KCNN2: variants seen among roughly 807,000 people sequenced by gnomAD.
KCNN2 encodes the protein small conductance calcium-activated potassium channel protein 2.
KCNN2 carries 24 observed loss-of-function variants against 55.5 expected under a neutral mutation model. That is an observed-to-expected ratio of 0.43 (90% CI 0.31 to 0.61). The LOEUF (loss-of-function observed/expected upper bound fraction) is 0.61. Among genes scored for constraint, KCNN2 ranks in the 20% least tolerant of loss-of-function variants. The pLI is 0.08. For synonymous variants in KCNN2, 431 were observed against 336.1 expected (o/e 1.28, Z -3.09); for missense variants, 754 against 853.6 (o/e 0.88, Z 1.45).
At chr5:114,392,840 A>T (rs1187388104) in intron 2 of KCNN2, among the ~76,000 whole-genome samples, 1 of 150,150 alleles carries the variant, frequency 6.7e-6, no homozygotes, top group Non-Finnish European at 1.5e-5. Context: ...GTTACATCCA[A>T]ATGCTAGTTT....
At chr5:114,188,088 C>T (rs4705492) in intron 1 of KCNN2, among the ~76,000 whole-genome samples, 17,156 of 152,242 alleles carry the variant, frequency 0.11, 1,154 homozygotes, top group Middle Eastern at 0.23. Flanking sequence ...GCTGGGATTA[C>T]AGGCGTGAGC....
intron 7 of KCNN2, among the ~76,000 whole-genome samples, 196 bp downstream of exon 7, chr5:114,493,668 C>T (rs1747971630): frequency 2.6e-5 from 4 of 152,168 alleles, no homozygotes; most frequent in East Asian, 1.9e-4. Flanking sequence ...TTCCCTATTA[C>T]GTTATTCAGC....
intron 1 of KCNN2, among the ~76,000 whole-genome samples, chr5:114,065,938 A>G (rs918631941): frequency 2.3e-5 from 3 of 127,962 alleles, no homozygotes; most frequent in African/African-American, 9.0e-5. Context: ...TAGTTATTTC[A>G]TGAGACTGGG....
At position 114,363,977 on chromosome 5, in the gene KCNN2, C is replaced by T. The variant is rs948008016; in HGVS notation, c.1194C>T (p.Ile398=). ...CGATCATCCTGCTCGGTCTGATCATCGTGTACCACGCCAGGGAAATACAGG... is the reference window on the plus strand; with the variant it reads ...CGATCATCCTGCTCGGTCTGATCATTGTGTACCACGCCAGGGAAATACAGG... ...LSTIILLGLI[I]VYHAREIQLF... The change falls in exon 2 of 8, where the codon ATC becomes ATT. Residue 398 remains isoleucine (I), a synonymous_variant. Transcript: ENST00000673685. 1.2e-6 allele frequency: 2 copies of T among 1,613,714 alleles called. No homozygotes were observed. The highest frequency in any genetic ancestry group is 1.3e-5 in the African/African-American group (1 of 74,920).
chr5:114,346,359 A>G (rs1028217041), intron 2 of KCNN2, among the ~76,000 whole-genome samples: 1 of 152,216 alleles, frequency 6.6e-6, no homozygotes, highest in Admixed American at 6.5e-5. Context: ...AACATGTACT[A>G]TAAGGTTAAG....
intron 1 of KCNN2, among the ~76,000 whole-genome samples, chr5:114,127,386 G>A (rs1382076087): frequency 6.6e-6 from 1 of 152,136 alleles, no homozygotes; most frequent in Admixed American, 6.5e-5. Flanking sequence ...CTTGACTTTT[G>A]TATACCTGCA....
chr5:114,158,201 C>T (rs1316603191), intron 1 of KCNN2, among the ~76,000 whole-genome samples: 1 of 152,140 alleles, frequency 6.6e-6, no homozygotes, highest in African/African-American at 2.4e-5. Context: ...GGAAGGGATC[C>T]AGTTTCAGCT....
intron 1 of KCNN2, among the ~76,000 whole-genome samples, chr5:114,074,624 C>CA (rs1750649839): frequency 6.6e-6 from 1 of 152,162 alleles, no homozygotes; most frequent in Non-Finnish European, 1.5e-5. Flanking sequence ...CACTCTGCTC[C>CA]AACCCTGTGT....
At position 114,238,270 on chromosome 5, in the gene KCNN2, T is replaced by G. The variant is rs192595750; in HGVS notation, c.-185+16705T>G. ...GTCTTTTTGTTTATTTTCTAGAAAATATACACTATTTCCATGAAGACCTCT... is the reference window on the plus strand; with the variant it reads ...GTCTTTTTGTTTATTTTCTAGAAAAGATACACTATTTCCATGAAGACCTCT... On this transcript the variant is annotated intron_variant, in intron 2 of 10. Coordinates refer to the KCNN2 transcript ENST00000512097. Among the ~76,000 whole-genome samples, 183 of 152,300 alleles carry G rather than the reference T, an allele frequency of 1.2e-3. 3 individuals are homozygous for G. Among genetic ancestry groups the G allele is most frequent in the Non-Finnish European group, 9.4e-4 (64 of 68,018 alleles).
chr5:114,383,665 G>T (rs531458648), intron 2 of KCNN2, among the ~76,000 whole-genome samples: 1 of 151,872 alleles, frequency 6.6e-6, no homozygotes, highest in African/African-American at 2.4e-5. Context: ...ACAGGGTTTT[G>T]CCATGTTGGC....
intron 1 of KCNN2, among the ~76,000 whole-genome samples, chr5:114,122,192 T>C (rs1352168241): frequency 1.3e-5 from 2 of 152,138 alleles, no homozygotes; most frequent in East Asian, 3.9e-4. Context: ...GTTAGGGAAC[T>C]GAAGAGGCAA....
At chr5:114,082,031 C>T (rs993487924) in intron 1 of KCNN2, among the ~76,000 whole-genome samples, 1 of 151,788 alleles carries the variant, frequency 6.6e-6, no homozygotes, top group Non-Finnish European at 1.5e-5. Context: ...AATATATATT[C>T]CAAAGAAGAT....
intron 7 of KCNN2, among the ~76,000 whole-genome samples, chr5:114,495,604 A>G (rs922105234): frequency 3.3e-5 from 5 of 152,214 alleles, no homozygotes; most frequent in African/African-American, 9.6e-5. Context: ...TAAATATTCA[A>G]TTGAAATGTT....
chr5:114,421,353 C>T (rs1035342977), intron 3 of KCNN2, among the ~76,000 whole-genome samples: 4 of 151,922 alleles, frequency 2.6e-5, no homozygotes, highest in East Asian at 1.9e-4. Flanking sequence ...TGCAGTGGCA[C>T]GATCCCAGCT....
intron 2 of KCNN2, among the ~76,000 whole-genome samples, chr5:114,374,532 G>A (rs1403406077): frequency 1.3e-5 from 2 of 152,142 alleles, no homozygotes; most frequent in African/African-American, 2.4e-5. Context: ...AAAGAACTGG[G>A]AAGAATTTCT....
intron 2 of KCNN2, among the ~76,000 whole-genome samples, chr5:114,374,806 A>G (rs1214611288): frequency 6.6e-6 from 1 of 152,202 alleles, no homozygotes; most frequent in African/African-American, 2.4e-5. Context: ...GATATTCTAC[A>G]TCAATAATGT....
At position 114,184,328 on chromosome 5, in the gene KCNN2, T is replaced by C. The variant is rs557491469; in HGVS notation, c.-270-37152T>C. ...TATAACTTAAAATCTAAAAATATTATCAGATTGGCAGCAAGGTTGATAAAT... is the reference window on the plus strand; with the variant it reads ...TATAACTTAAAATCTAAAAATATTACCAGATTGGCAGCAAGGTTGATAAAT... On this transcript the variant is annotated intron_variant, in intron 1 of 10. Coordinates refer to the KCNN2 transcript ENST00000512097. Among the ~76,000 whole-genome samples, 6 of 152,270 alleles carry C rather than the reference T, an allele frequency of 3.9e-5. No individual in the cohort carries two copies. The South Asian group carries it at 1.2e-3, about 32-fold the overall frequency.
intron 2 of KCNN2, among the ~76,000 whole-genome samples, chr5:114,328,984 C>T (rs1471140138): frequency 6.6e-6 from 1 of 152,202 alleles, no homozygotes; most frequent in African/African-American, 2.4e-5. Flanking sequence ...CTGTTCATGA[C>T]TGTCCTCCTT....
At chr5:114,143,276 T>C (rs552279321) in intron 1 of KCNN2, among the ~76,000 whole-genome samples, 2 of 152,274 alleles carry the variant, frequency 1.3e-5, no homozygotes, top group East Asian at 1.9e-4. Flanking sequence ...AAATTTACAA[T>C]ATAGTGTGTG....
Sources: allele counts gnomAD v4.1 joint callset (sites outside exome capture counted in the v4.1 genomes callset), GRCh38; gene constraint gnomAD v4.1.1; transcripts MANE v1.5; gene names NCBI Gene and HGNC (gene_info 2026-07-23, HGNC 2026-07-21).